SHLD1: variants seen among roughly 807,000 people sequenced by gnomAD.
The protein encoded by SHLD1 is RINN1-REV7-interacting novel NHEJ regulator 3.
In SHLD1, 3 loss-of-function variants were observed where a neutral mutation model predicts 5.5. The observed-to-expected ratio is 0.54, with a 90% CI of 0.25 to 1.40. The LOEUF (loss-of-function observed/expected upper bound fraction) is 1.40. SHLD1 is among the 40% of genes most tolerant of loss of function. The pLI is 0.15. For synonymous variants in SHLD1, 92 were observed against 94.3 expected, an observed-to-expected ratio of 0.98 and a Z score of 0.14; for missense variants, 210 against 244.4, an observed-to-expected ratio of 0.86 and a Z score of 0.94.
At chr20:5,754,183 T>A (rs756533201) in intron 1 of SHLD1, among the ~76,000 whole-genome samples, 1 of 152,116 alleles carries the variant, frequency 6.6e-6, no homozygotes, top group Non-Finnish European at 1.5e-5. Flanking sequence ...TCATCTCAGC[T>A]CACTGCAGCC....
intron 2 of SHLD1, among the ~76,000 whole-genome samples, chr20:5,816,029 T>C (rs2087525428): frequency 2.9e-5 from 4 of 138,566 alleles, no homozygotes; most frequent in Admixed American, 2.5e-4. Flanking sequence ...TGCAGTGAGC[T>C]GAGATCACAC....
At chr20:5,832,360 A>G (rs908492044) in intron 2 of SHLD1, among the ~76,000 whole-genome samples, 33 of 152,200 alleles carry the variant, frequency 2.2e-4, no homozygotes, top group Middle Eastern at 3.2e-3. Context: ...CTTTACTCCA[A>G]ATACAAAGGT....
At chr20:5,769,720 G>A (rs753656263) in intron 1 of SHLD1, among the ~76,000 whole-genome samples, 2 of 151,560 alleles carry the variant, frequency 1.3e-5, no homozygotes, top group African/African-American at 2.4e-5. Flanking sequence ...AAATGCCTAC[G>A]TGGCTGAGCA....
chr20:5,837,586 TTAGTTTGCTGAGGA>T (rs201865956), intron 2 of SHLD1, among the ~76,000 whole-genome samples: 1,954 of 152,202 alleles, frequency 0.013, 27 homozygotes, highest in Non-Finnish European at 0.017. Flanking sequence ...TGTTCCTGCA[TTAGTTTGCTGAGGA>T]TAATGGCTTC....
chr20:5,851,079 A>G (rs1220818234), intron 2 of SHLD1, among the ~76,000 whole-genome samples: 1 of 152,218 alleles, frequency 6.6e-6, no homozygotes, highest in East Asian at 1.9e-4. Flanking sequence ...GGGACATTGT[A>G]GCACAGCACA....
intron 2 of SHLD1, among the ~76,000 whole-genome samples, chr20:5,852,694 C>A (rs890775507): frequency 3.3e-5 from 5 of 152,218 alleles, no homozygotes; most frequent in African/African-American, 1.2e-4. Flanking sequence ...AAGTGATCCG[C>A]CTGCCTCAGC....
At chr20:5,821,768 T>C (rs237087) in intron 2 of SHLD1, among the ~76,000 whole-genome samples, 138,987 of 152,176 alleles carry the variant, frequency 0.91, 63,813 homozygotes, top group East Asian at 1. Context: ...TGCCACCGGA[T>C]GCTTGGCTGG....
intron 1 of SHLD1, among the ~76,000 whole-genome samples, chr20:5,767,392 C>T (rs1010835239): frequency 1.3e-5 from 2 of 152,158 alleles, no homozygotes; most frequent in African/African-American, 4.8e-5. Context: ...CCTGCCTCAG[C>T]CTCCCAAAGT....
rs563264658 is a variant in SHLD1, at chr20:5,792,408, T to TTTTG, written c.178+19381_178+19384dup. ...GGTTTTGAGTTTGTTCTTTTTATCT[T>TTTTG]TTTGTTTGTTTGTTTGTTTTTGTTT... On this transcript the variant is annotated intron_variant, in intron 2 of 2. Coordinates refer to ENST00000303142, the MANE Select transcript of SHLD1 (RefSeq NM_152504.4). 6.6e-5 allele frequency among the ~76,000 whole-genome samples: 10 copies of TTTTG among 152,212 alleles called. No individual in the cohort carries two copies. The South Asian group carries it at 1.9e-3, about 28-fold the overall frequency.
chr20:5,851,323 A>C (rs1440120794), intron 2 of SHLD1, among the ~76,000 whole-genome samples: 1 of 152,090 alleles, frequency 6.6e-6, no homozygotes, highest in Non-Finnish European at 1.5e-5. Context: ...CCATCTCTAC[A>C]AAAAATTTTT....
At chr20:5,764,193 TTA>T (rs369664648) in intron 1 of SHLD1, among the ~76,000 whole-genome samples, 10,179 of 74,718 alleles carry the variant, frequency 0.14, 581 homozygotes, top group Non-Finnish European at 0.17. Context: ...TATATATATT[TTA>T]TATATATATA....
intron 2 of SHLD1, among the ~76,000 whole-genome samples, chr20:5,781,508 C>G (rs1283803004): frequency 6.6e-6 from 1 of 152,152 alleles, no homozygotes; most frequent in Non-Finnish European, 1.5e-5. Flanking sequence ...GACTGAGTCT[C>G]GCTCTGTTGT....
intron 2 of SHLD1, among the ~76,000 whole-genome samples, chr20:5,797,363 T>C (rs1250063727): frequency 2.6e-5 from 4 of 152,020 alleles, no homozygotes; most frequent in African/African-American, 9.7e-5. Context: ...GAGTTCAAGA[T>C]CAGCCTGGGC....
At chr20:5,840,982 GATATTTATT>G (rs2087851118) in intron 2 of SHLD1, among the ~76,000 whole-genome samples, 1 of 152,020 alleles carries the variant, frequency 6.6e-6, no homozygotes, top group Non-Finnish European at 1.5e-5. Context: ...ATAAATAAAA[GATATTTATT>G]AGTTTCTTTG....
intron 2 of SHLD1, among the ~76,000 whole-genome samples, chr20:5,816,797 C>G (rs2087535622): frequency 6.6e-6 from 1 of 152,184 alleles, no homozygotes; most frequent in South Asian, 2.1e-4. Context: ...AGGCTGGGCG[C>G]AGTAGCTCAC....
chr20:5,841,307 G>A (rs2122468593), intron 2 of SHLD1, among the ~76,000 whole-genome samples: 2 of 152,202 alleles, frequency 1.3e-5, no homozygotes, highest in Middle Eastern at 3.4e-3. Flanking sequence ...TTTTATATAT[G>A]TGGGTGTATA....
At chr20:5,822,158 T>A (rs183244028) in intron 2 of SHLD1, among the ~76,000 whole-genome samples, 10 of 152,232 alleles carry the variant, frequency 6.6e-5, no homozygotes, top group African/African-American at 2.4e-4. Context: ...TCTTGAGAGA[T>A]TTAAAGTAAG....
intron 2 of SHLD1, among the ~76,000 whole-genome samples, chr20:5,793,145 C>G (rs1460634557): frequency 1.3e-5 from 2 of 152,170 alleles, no homozygotes; most frequent in Non-Finnish European, 2.9e-5. Flanking sequence ...GTATGTCTGT[C>G]TTTATGACAG....
chr20:5,751,338 ACT>A (rs1027455443), intron 1 of SHLD1, among the ~76,000 whole-genome samples: 2 of 151,962 alleles, frequency 1.3e-5, no homozygotes, highest in Non-Finnish European at 2.9e-5. Flanking sequence ...CATGACTCTC[ACT>A]CTGTAGCCCA....
Sources: gnomAD v4.1 joint callset for allele counts (sites outside exome capture counted in the v4.1 genomes callset) on GRCh38, gnomAD v4.1.1 for gene constraint, MANE v1.5 for transcripts, NCBI Gene and HGNC (gene_info 2026-07-23, HGNC 2026-07-21) for gene names.